The following CAMSAP3 variants were observed in gnomAD, a reference collection of about 807,000 sequenced individuals.
CAMSAP3 encodes the protein calmodulin regulated spectrin associated protein family member 3.
In CAMSAP3, 34 loss-of-function variants were observed where a neutral mutation model predicts 112.5. The ratio of observed to expected loss-of-function variants is 0.30; its 90% CI spans 0.23 to 0.40. CAMSAP3 has a LOEUF of 0.40. Ranked by LOEUF, CAMSAP3 falls within the 10% of genes least tolerant of loss-of-function variation. The pLI is 1.00. For missense variants in CAMSAP3, 1,602 were observed against 1,770.3 expected (o/e 0.90, Z 1.71); for synonymous variants, 868 against 799.8 (o/e 1.09, Z -1.44).
rs1401286334 is a variant in CAMSAP3, at chr19:7,610,319, A to G, written c.761-157A>G. On this transcript the variant is annotated intron_variant, in intron 5 of 16. Transcript: ENST00000160298. This position sits in a 1 kb window ranked among gnomAD's most constrained non-coding sequence, Gnocchi z 4.9. ...GGTGACAGAGCGAGACTCCATCTCA[A>G]AAAAAAAAAAAAAAGAATTCACCTC... Among the ~76,000 whole-genome samples, 2 of 129,282 alleles carry G rather than the reference A, an allele frequency of 1.5e-5. No homozygotes were observed. Among genetic ancestry groups the G allele is most frequent in the East Asian group, 2.4e-4 (1 of 4,146 alleles). The allele number at this position is 129,282 out of a possible 152,430, so 84.8% of individuals were successfully genotyped here. A position where few individuals can be genotyped will look rare whatever the true frequency, so the allele number is the denominator to read the frequency against.
rs111237258 is a variant in CAMSAP3 at position 7,616,987 on chromosome 19, C to T, written c.3213-339C>T. Among the ~76,000 whole-genome samples the T allele has an allele frequency of 3.6e-3, 427 of 119,526 alleles. 4 individuals are homozygous for T. The highest frequency in any genetic ancestry group is 0.013 in the African/African-American group (384 of 30,308). 78.4% of individuals were successfully genotyped at this position (119,526 alleles called of 152,430 possible). A position where few individuals can be genotyped will look rare whatever the true frequency, so the allele number is the denominator to read the frequency against. On this transcript the variant is annotated intron_variant, in intron 14 of 16. Coordinates refer to ENST00000160298, the MANE Select transcript of CAMSAP3 (RefSeq NM_020902.2). ...TTTTTGAGAGGGAGTCTTGCTGTGT[C>T]GCCCAGGCTGGAGTGCAGTGGCGCA...
Position 7,617,164 on chromosome 19 carries a change from G to A in CAMSAP3, c.3213-162G>A, listed in dbSNP as rs138029378. Among the ~76,000 whole-genome samples, 29 of 152,050 alleles carry A rather than the reference G, an allele frequency of 1.9e-4. No individual in the cohort carries two copies. Among genetic ancestry groups the A allele is most frequent in the Middle Eastern group, 3.4e-3 (1 of 294 alleles). ...ACTCCCGACCTCAAGTGATCTGCCCGCTTTGGCCTCCCGAAGTGCTGGGAT... is the reference window on the plus strand; with the variant it reads ...ACTCCCGACCTCAAGTGATCTGCCCACTTTGGCCTCCCGAAGTGCTGGGAT... On this transcript the variant is annotated intron_variant, in intron 14 of 16. Transcript: ENST00000160298. The surrounding 1 kb of genome is among the most constrained non-coding windows in gnomAD (Gnocchi z 7.5).
At chr19:7,609,469 C>G (rs900006701) in intron 5 of CAMSAP3, among the ~76,000 whole-genome samples, 2 of 151,968 alleles carry the variant, frequency 1.3e-5, no homozygotes, top group Non-Finnish European at 2.9e-5. Flanking sequence ...CCCGGAAAAG[C>G]TTTTTGAGCT....
At position 7,618,124 on chromosome 19, in the gene CAMSAP3, G is replaced by A; in HGVS notation, c.*67G>A. 5 of 1,531,778 alleles carry A rather than the reference G, an allele frequency of 3.3e-6. No individual in the cohort carries two copies. Among genetic ancestry groups the A allele is most frequent in the South Asian group, 2.4e-5 (2 of 83,334 alleles). 94.9% of individuals were successfully genotyped at this position (1,531,778 alleles called of 1,614,324 possible). A position where few individuals can be genotyped will look rare whatever the true frequency, so the allele number is the denominator to read the frequency against. ...GCCGCCATCCCCTGGAGGACAGTCA[G>A]TCGGTATTCCTGGGTCCTGTCTGTC... is the stretch of plus-strand genomic sequence containing the variant. On this transcript the variant is annotated 3_prime_UTR_variant, in exon 17 of 17. Transcript: ENST00000160298.
Position 7,608,170 on chromosome 19 carries a change from C to T in CAMSAP3, c.666C>T (p.Cys222=). ...GTGTGGTGGCGCGACGTGCCCCCTG[C>T]TTCCCGACGGTGACCAGCCTCCAGG... ...KDRVVARRAP[C]FPTVTSLQDL... Residue 222 remains cysteine (C), a synonymous_variant, in exon 5 of 17, where the codon TGC becomes TGT. Transcript: ENST00000160298. 6.2e-7 allele frequency: 1 copy of T among 1,612,472 alleles called. No homozygotes were observed. Among genetic ancestry groups the T allele is most frequent in the Non-Finnish European group, 8.5e-7 (1 of 1,179,924 alleles).
chr19:7,606,343 C>T lies in CAMSAP3; in HGVS notation c.475C>T (p.Pro159Ser). ...AFEWTKTLPGPLALTSLEHKL... is the reference protein window; with the variant it reads ...AFEWTKTLPGSLALTSLEHKL... ...CGAGTGGACAAAGACCCTGCCAGGT[C>T]CCTTGGCCCTGACCAGCTTGGAGCA... Residue 159 changes from proline (P) to serine (S), a missense_variant, in exon 3 of 17, where the codon CCC becomes TCC. By Grantham distance (74) the Pro-to-Ser change is moderately conservative. Around this residue, in one of 6 missense-constraint regions of CAMSAP3, gnomAD observed 35 missense variants for 79.8 expected, o/e 0.44. Coordinates refer to ENST00000160298, the MANE Select transcript of CAMSAP3 (RefSeq NM_020902.2). 2 of 1,613,936 alleles carry T rather than the reference C, an allele frequency of 1.2e-6. No homozygotes were observed. Among genetic ancestry groups the T allele is most frequent in the Non-Finnish European group, 8.5e-7 (1 of 1,180,026 alleles).
chr19:7,608,854 G>A (rs1259893599), intron 5 of CAMSAP3, among the ~76,000 whole-genome samples: 3 of 151,824 alleles, frequency 2.0e-5, no homozygotes, highest in East Asian at 1.9e-4. Context: ...GGCTGGTGTC[G>A]AATTCCTGAC....
In CAMSAP3 at chr19:7,610,371, C is replaced by T; in HGVS notation, c.761-105C>T. ...CGAAGGGCACCTGGCAGAAGCTGGGCTCATAGGAGGTCTTCCGTGTGTGGG... is the reference window on the plus strand; with the variant it reads ...CGAAGGGCACCTGGCAGAAGCTGGGTTCATAGGAGGTCTTCCGTGTGTGGG... On this transcript the variant is annotated intron_variant, in intron 5 of 16. Coordinates refer to ENST00000160298, the MANE Select transcript of CAMSAP3 (RefSeq NM_020902.2). This position sits in a 1 kb window ranked among gnomAD's most constrained non-coding sequence, Gnocchi z 4.9. The T allele has an allele frequency of 1.0e-6, 1 of 996,488 alleles. No homozygotes were observed. The highest frequency in any genetic ancestry group is 2.4e-5 in the East Asian group (1 of 40,916). The allele number at this position is 996,488 out of a possible 1,614,324, so 61.7% of individuals were successfully genotyped here. A position where few individuals can be genotyped will look rare whatever the true frequency, so the allele number is the denominator to read the frequency against.
At chr19:7,596,365 G>A (rs1012862289) in intron 1 of CAMSAP3, among the ~76,000 whole-genome samples, 3 of 151,088 alleles carry the variant, frequency 2.0e-5, no homozygotes. Flanking sequence ...GCGGGAGCGC[G>A]GTGGGGGTGG....
intron 1 of CAMSAP3, among the ~76,000 whole-genome samples, chr19:7,601,577 A>G (rs1173680146): frequency 2.0e-5 from 3 of 152,054 alleles, no homozygotes; most frequent in Admixed American, 6.6e-5. Context: ...TGCTGTAAAT[A>G]ATGCTCAGTA....
At position 7,618,177 on chromosome 19, in the gene CAMSAP3, T is replaced by C; in HGVS notation, c.*120T>C. On this transcript the variant is annotated 3_prime_UTR_variant, in exon 17 of 17. Coordinates refer to ENST00000160298, the MANE Select transcript of CAMSAP3 (RefSeq NM_020902.2). ...CAACCGTGTCTGGGTGGGGCTGGAG[T>C]CTCCACCCTCTGACTTTGAGTCCAG... The C allele has an allele frequency of 9.0e-7, 1 of 1,115,094 alleles. No individual in the cohort carries two copies. Among genetic ancestry groups the C allele is most frequent in the Non-Finnish European group, 1.3e-6 (1 of 797,826 alleles). The allele number at this position is 1,115,094 out of a possible 1,614,324, so 69.1% of individuals were successfully genotyped here.
chr19:7,615,177 C>A lies in CAMSAP3; in HGVS notation c.2671-6C>A. 6.4e-7 allele frequency: 1 copy of A among 1,554,588 alleles called. No individual in the cohort carries two copies. Among genetic ancestry groups the A allele is most frequent in the Non-Finnish European group, 8.7e-7 (1 of 1,149,454 alleles). ...GTGGCTGGCTGGACTCGGCGTCTGT[C>A]CCCAGGATGAAGACAAGCCTGAGGA... On this transcript the variant is annotated splice_region_variant and splice_polypyrimidine_tract_variant and intron_variant, in intron 11 of 16. Coordinates refer to ENST00000160298, the MANE Select transcript of CAMSAP3 (RefSeq NM_020902.2). This position sits in a 1 kb window ranked among gnomAD's most constrained non-coding sequence, Gnocchi z 6.5.
At position 7,616,290 on chromosome 19, in the gene CAMSAP3, G is replaced by GT. The variant is rs199906830; in HGVS notation, c.3113-232dup. On this transcript the variant is annotated intron_variant, in intron 13 of 16. Transcript: ENST00000160298. ...GCTTCATGGATAGGAACCTTTGGGA[G>GT]TATGTTTGGGGTGAGGCGTTGCCAG... The GT allele has an allele frequency of 1.2e-3, 590 of 488,592 alleles. 3 individuals carry two copies. The highest frequency in any genetic ancestry group is 0.01 in the African/African-American group (537 of 51,684). The allele number at this position is 488,592 out of a possible 1,614,324, so 30.3% of individuals were successfully genotyped here. A position where few individuals can be genotyped will look rare whatever the true frequency, so the allele number is the denominator to read the frequency against.
In CAMSAP3 at chr19:7,617,314, C is replaced by T. The variant is rs1337017317; in HGVS notation, c.3213-12C>T. On this transcript the variant is annotated splice_polypyrimidine_tract_variant and intron_variant, in intron 14 of 16. Transcript: ENST00000160298. The surrounding 1 kb of genome is among the most constrained non-coding windows in gnomAD (Gnocchi z 7.5). ...CTGACCCCACCTCCATCCCATCCTT[C>T]TCCCACTGCAGGGCTCCCTCCCCGT... 1 of 1,599,070 alleles carries T rather than the reference C, an allele frequency of 6.3e-7. No homozygotes were observed. The highest frequency in any genetic ancestry group is 8.6e-7 in the Non-Finnish European group (1 of 1,166,342).
In CAMSAP3 at chr19:7,612,792, C is replaced by CG; in HGVS notation, c.2301dup (p.Arg768AlafsTer101). 1 of 1,534,468 alleles carries CG rather than the reference C, an allele frequency of 6.5e-7. No homozygotes were observed. Among genetic ancestry groups the CG allele is most frequent in the Non-Finnish European group, 8.7e-7 (1 of 1,146,334 alleles). ...CCCCGCCCGGCGAGTCCCGGCCACC[C>CG]GGCGCAGCCCTGGGCCCGGGCCCAG... is the stretch of plus-strand genomic sequence containing the variant. On this transcript the variant is annotated frameshift_variant, in exon 11 of 17. Transcript: ENST00000160298. LOFTEE classifies it high-confidence loss of function.
chr19:7,596,971 C>T (rs1038980981), intron 1 of CAMSAP3, among the ~76,000 whole-genome samples: 3 of 152,160 alleles, frequency 2.0e-5, no homozygotes, highest in African/African-American at 4.8e-5. Flanking sequence ...CCCGGGTCCC[C>T]GGGATTAGAG....
At position 7,612,259 on chromosome 19, in the gene CAMSAP3, C is replaced by T. The variant is rs753851987; in HGVS notation, c.1766C>T (p.Thr589Ile). 3 of 1,591,766 alleles carry T rather than the reference C, an allele frequency of 1.9e-6. No individual in the cohort carries two copies. Among genetic ancestry groups the T allele is most frequent in the South Asian group, 2.3e-5 (2 of 88,694 alleles). ...AEAGAGSPTS[T>I]PAPPEALSSE... is the part of the protein sequence containing the mutation. Reference sequence around the variant, plus strand: ...GCCGGAGCGGGGTCCCCCACGTCCACTCCGGCCCCGCCGGAGGCCCTGAGC... The same window carrying T: ...GCCGGAGCGGGGTCCCCCACGTCCATTCCGGCCCCGCCGGAGGCCCTGAGC... The change falls in exon 11 of 17, where the codon ACT (threonine) becomes ATT (isoleucine). Residue 589 changes from threonine to isoleucine, a missense_variant. By Grantham distance (89) the Thr-to-Ile change is moderately conservative. Around this residue, in one of 6 missense-constraint regions of CAMSAP3, gnomAD observed 1,100 missense variants for 1,135.7 expected, o/e 0.97. Coordinates refer to ENST00000160298, the MANE Select transcript of CAMSAP3 (RefSeq NM_020902.2).
At chr19:7,598,110 G>A (rs1362464715) in intron 1 of CAMSAP3, among the ~76,000 whole-genome samples, 1 of 152,126 alleles carries the variant, frequency 6.6e-6, no homozygotes, top group African/African-American at 2.4e-5. Context: ...TGGATATGGG[G>A]CAGAGGGGGA....
intron 1 of CAMSAP3, 79 bp from the exon 2 acceptor site, chr19:7,605,147 G>GTGTGTGTGTGTGTGTGT (rs3223050): frequency 3.2e-5 from 20 of 624,570 alleles, no homozygotes; most frequent in Non-Finnish European, 5.1e-5. Flanking sequence ...CGGGCCATGT[G>GTGTGTGTGTGTGTGTGT]GTGTGTGTGT....
Sources: gnomAD v4.1 joint callset for allele counts (sites outside exome capture counted in the v4.1 genomes callset) on GRCh38, gnomAD v4.1.1 for gene constraint, gnomAD v4.1.1 regional missense constraint, Gnocchi (gnomAD v3.1) non-coding constraint, MANE v1.5 for transcripts, NCBI Gene and HGNC (gene_info 2026-07-23, HGNC 2026-07-21) for gene names.